TRIOBP: variants seen among roughly 807,000 people sequenced by gnomAD.
TRIOBP encodes the protein TRIO and F-actin-binding protein.
Under a neutral mutation model 238.8 loss-of-function variants are expected in TRIOBP, and 169 were observed. The ratio of observed to expected loss-of-function variants is 0.71; its 90% CI spans 0.62 to 0.80. The LOEUF (loss-of-function observed/expected upper bound fraction) is 0.80. TRIOBP is among the 30% of genes least tolerant of loss of function. The probability of loss-of-function intolerance (pLI) is 0.00; values close to 1 mark genes in which losing one functional copy is unlikely to be tolerated. For missense variants in TRIOBP, 2,838 were observed against 3,122.6 expected (o/e 0.91, Z 2.17); for synonymous variants, 1,150 against 1,274.4 (o/e 0.90, Z 2.08).
chr22:37,746,388 C>G (rs1418400572), intron 11 of TRIOBP: 2 of 1,400,658 alleles, frequency 1.4e-6, no homozygotes, highest in East Asian at 6.3e-5. Flanking sequence ...TTCCTGCCTC[C>G]TGCTCCCGCC....
chr22:37,729,753 G>A (rs1201111949), intron 7 of TRIOBP, among the ~76,000 whole-genome samples: 1 of 151,880 alleles, frequency 6.6e-6, no homozygotes, highest in Non-Finnish European at 1.5e-5. Context: ...TACCTTTTAG[G>A]GAAGTTTTCA....
chr22:37,755,146 G>A lies in TRIOBP; in HGVS notation c.5533G>A (p.Val1845Ile). Residue 1845 changes from valine to isoleucine, a missense_variant, in exon 14 of 24, where the codon GTC becomes ATC. Transcript: ENST00000644935. The stretch of plus-strand genomic sequence containing the variant: ...GATCGACCTGCGTTCCTGCACGGAT[G>A]TCACTGAGTACGCGGTGCAGCGCAA... ...GEIDLRSCTD[V>I]TEYAVQRNYG... 6.2e-7 allele frequency: 1 copy of A among 1,613,810 alleles called. No homozygotes were observed. Among genetic ancestry groups the A allele is most frequent in the African/African-American group, 1.3e-5 (1 of 75,048 alleles).
intron 7 of TRIOBP, chr22:37,726,715 A>C (rs1924188578): frequency 1.8e-6 from 1 of 562,916 alleles, no homozygotes; most frequent in Non-Finnish European, 3.0e-6. Context: ...GATGTCATGC[A>C]CAGCCCAGTG....
rs5756810 is a variant in TRIOBP at position 37,759,310 on chromosome 22, C to G, written c.6324+46C>G. The G allele has an allele frequency of 0.96, 1,509,713 of 1,574,642 alleles. 724,039 individuals carry two copies. The highest frequency in any genetic ancestry group is 1 in the East Asian group (44,635 of 44,640). ...TTCAGGGGGAGGGGGCAGATTTCTG[C>G]TTGCCGTGTTATCAGGAAACAGCTG... On this transcript the variant is annotated intron_variant, in intron 17 of 23. Transcript: ENST00000644935.
chr22:37,717,855 T>C (rs1166220881), intron 6 of TRIOBP, among the ~76,000 whole-genome samples: 1 of 152,120 alleles, frequency 6.6e-6, no homozygotes, highest in African/African-American at 2.4e-5. Flanking sequence ...CCTCAGCCCT[T>C]GGGTGGTTGA....
chr22:37,702,634 C>CTTTTTT lies in TRIOBP; in HGVS notation c.114+1174_114+1179dup, dbSNP rs34625454. 8.7e-4 allele frequency among the ~76,000 whole-genome samples: 71 copies of CTTTTTT among 81,192 alleles called. 4 individuals carry two copies. Among genetic ancestry groups the CTTTTTT allele is most frequent in the African/African-American group, 3.0e-3 (61 of 20,066 alleles). 53.3% of individuals were successfully genotyped at this position (81,192 alleles called of 152,430 possible). A position where few individuals can be genotyped will look rare whatever the true frequency, so the allele number is the denominator to read the frequency against. On this transcript the variant is annotated intron_variant, in intron 3 of 23. Coordinates refer to ENST00000644935, the MANE Select transcript of TRIOBP (RefSeq NM_001039141.3). ...ATCTAGAGATTTTCTTTCTCTCTCT[C>CTTTTTT]TTTTTTTTTTTTTTTTTTTTTTTTG...
chr22:37,752,720 A>G (rs961743849), intron 12 of TRIOBP, among the ~76,000 whole-genome samples: 2 of 152,164 alleles, frequency 1.3e-5, no homozygotes, highest in African/African-American at 4.8e-5. Context: ...GCACCCCGCC[A>G]GTGACCCCTT....
rs375936342 is a variant in TRIOBP, at chr22:37,765,705, C to T, written c.6360C>T (p.Ser2120=). The T allele has an allele frequency of 2.6e-5, 41 of 1,554,638 alleles. 1 individual carries two copies. The African/African-American group carries it at 5.3e-4, about 20-fold the overall frequency. ...AGCGCAGCCTGGCAGAGATGGAGTC[C>T]TCGCACCAGCAGGTGATGGAGGAGC... The part of the protein sequence containing the change: ...ACERSLAEME[S]SHQQVMEELQ... Residue 2120 remains serine, a synonymous_variant, in exon 18 of 24, where the codon TCC becomes TCT. Transcript: ENST00000644935.
intron 11 of TRIOBP, among the ~76,000 whole-genome samples, chr22:37,744,000 CTTT>C (rs571857057): frequency 4.6e-5 from 6 of 130,472 alleles, no homozygotes; most frequent in African/African-American, 1.1e-4. Context: ...TGCTGTGTAT[CTTT>C]TTTTTTTTTT....
In TRIOBP at chr22:37,754,912, G is replaced by T. The variant is rs751311447; in HGVS notation, c.5415G>T (p.Ser1805=). The change falls in exon 13 of 24, where the codon TCG becomes TCT. Residue 1805 remains serine (S), a synonymous_variant. Transcript: ENST00000644935. ...CCTCGCTCACCACCACCTCTACTTCGCAGTGGAAGAAACATTGGTTTGTGC... is the reference window on the plus strand; with the variant it reads ...CCTCGCTCACCACCACCTCTACTTCTCAGTGGAAGAAACATTGGTTTGTGC... ...PSPSLTTTST[S]QWKKHWFVLT... 7.4e-6 allele frequency: 12 copies of T among 1,613,854 alleles called. No individual in the cohort carries two copies. The highest frequency in any genetic ancestry group is 6.7e-5 in the African/African-American group (5 of 74,826).
intron 7 of TRIOBP, among the ~76,000 whole-genome samples, chr22:37,732,509 C>CAAA (rs36003951): frequency 0.01 from 1,037 of 99,176 alleles, 48 homozygotes; most frequent in Admixed American, 0.014. Context: ...GACTCCATCT[C>CAAA]AAAAAAAAAA....
Position 37,757,214 on chromosome 22 carries a change from T to G in TRIOBP, c.5688-399T>G, listed in dbSNP as rs75270030. Among the ~76,000 whole-genome samples the G allele has an allele frequency of 5.5e-3, 831 of 152,120 alleles. 12 individuals carry two copies. The highest frequency in any genetic ancestry group is 0.019 in the African/African-American group (808 of 41,492). The stretch of plus-strand genomic sequence containing the variant: ...CCATCTCTATCAAAAATTTAAAAAA[T>G]TAGCTGGGCGTGGTGGTGCATGTCT... On this transcript the variant is annotated intron_variant, in intron 15 of 23. Coordinates refer to ENST00000644935, the MANE Select transcript of TRIOBP (RefSeq NM_001039141.3).
intron 9 of TRIOBP, among the ~76,000 whole-genome samples, chr22:37,738,246 G>A (rs1292235796): frequency 2.0e-5 from 3 of 152,196 alleles, no homozygotes; most frequent in East Asian, 3.8e-4. Context: ...GTGGATATAT[G>A]ATGGATGTTG....
chr22:37,699,596 C>T (rs1922539151), intron 2 of TRIOBP, among the ~76,000 whole-genome samples: 1 of 151,932 alleles, frequency 6.6e-6, no homozygotes, highest in Non-Finnish European at 1.5e-5. Flanking sequence ...GGCTGGAGTA[C>T]AGTGGTGCAA....
At position 37,757,988 on chromosome 22, in the gene TRIOBP, G is replaced by A. The variant is rs1926032919; in HGVS notation, c.6063G>A (p.Arg2021=). 1 of 1,594,198 alleles carries A rather than the reference G, an allele frequency of 6.3e-7. No individual in the cohort carries two copies. Among genetic ancestry groups the A allele is most frequent in the East Asian group, 2.3e-5 (1 of 43,606 alleles). Residue 2021 remains arginine, a synonymous_variant, in exon 16 of 24, where the codon CGG becomes CGA. Coordinates refer to ENST00000644935, the MANE Select transcript of TRIOBP (RefSeq NM_001039141.3). ...GAPLTEDQQN[R]LSEEIEKKWQ... ...CCCTGACTGAGGACCAGCAAAACCGGCTTAGTGAGGAGATCGAGAAGAAGT... is the reference window on the plus strand; with the variant it reads ...CCCTGACTGAGGACCAGCAAAACCGACTTAGTGAGGAGATCGAGAAGAAGT...
Position 37,726,046 on chromosome 22 carries a change from G to C in TRIOBP, c.3490G>C (p.Val1164Leu). ...CGAGTGCCCCCACATCCCCACCCCT[G>C]TGTGCATTGGGCACCGGGATGCACC... ...LHECPHIPTP[V>L]CIGHRDAPSF... The change falls in exon 7 of 24, where the codon GTG (valine) becomes CTG (leucine). Residue 1164 changes from valine to leucine, a missense_variant. By Grantham distance (32) the Val-to-Leu change is conservative (BLOSUM62 1). Transcript: ENST00000644935. 6.2e-7 allele frequency: 1 copy of C among 1,610,788 alleles called. No individual in the cohort carries two copies. The highest frequency in any genetic ancestry group is 8.5e-7 in the Non-Finnish European group (1 of 1,178,756).
intron 5 of TRIOBP, among the ~76,000 whole-genome samples, chr22:37,714,016 G>A (rs768526551): frequency 2.6e-5 from 4 of 152,148 alleles, no homozygotes; most frequent in Admixed American, 1.3e-4. Context: ...AGCCTCACAC[G>A]CTTCATGGCC....
chr22:37,767,086 A>G (rs978785664), intron 18 of TRIOBP, among the ~76,000 whole-genome samples: 1 of 152,122 alleles, frequency 6.6e-6, no homozygotes, highest in Non-Finnish European at 1.5e-5. Flanking sequence ...CCCTGTCTCT[A>G]CTATGAATAC....
At position 37,710,527 on chromosome 22, in the gene TRIOBP, A is replaced by G. The variant is rs1275863637; in HGVS notation, c.215A>G (p.Gln72Arg). 5.0e-6 allele frequency: 8 copies of G among 1,612,208 alleles called. No homozygotes were observed. In the South Asian group the frequency reaches 6.6e-5, roughly 13 times the overall value. Residue 72 changes from glutamine to arginine, a missense_variant, in exon 4 of 24, where the codon CAG (glutamine) becomes CGG (arginine). Around this residue, in one of 5 missense-constraint regions of TRIOBP, gnomAD observed 535 missense variants for 537.3 expected, o/e 1.00. Transcript: ENST00000644935. The stretch of plus-strand genomic sequence containing the variant: ...CTCAGCGCCTCAACCTCCGGCTGCC[A>G]GTCTGTGGTGGACCCAGGCCTCAGG... ...DPLSASTSGCQSVVDPGLRPG... is the reference protein window; with the variant it reads ...DPLSASTSGCRSVVDPGLRPG...
Sources: gnomAD v4.1 joint callset for allele counts (sites outside exome capture counted in the v4.1 genomes callset) on GRCh38, gnomAD v4.1.1 for gene constraint, gnomAD v4.1.1 regional missense constraint, MANE v1.5 for transcripts, NCBI Gene and HGNC (gene_info 2026-07-23, HGNC 2026-07-21) for gene names.